Variants in ADAMTS6 observed in about 807,000 individuals in gnomAD.
ADAMTS6 encodes ADAM metallopeptidase with thrombospondin type 1 motif 6.
Under a neutral mutation model 144.3 loss-of-function variants are expected in ADAMTS6, and 23 were observed. The ratio of observed to expected loss-of-function variants is 0.16; its 90% CI spans 0.11 to 0.23. The LOEUF is 0.23. ADAMTS6 is among the 10% of genes least tolerant of loss of function. The pLI is 1.00. For synonymous variants in ADAMTS6, 444 were observed against 457.5 expected (o/e 0.97, Z 0.38); for missense variants, 999 against 1,379.6 (o/e 0.72, Z 4.37).
chr5:65,413,954 A>G (rs1236367961), intron 7 of ADAMTS6, among the ~76,000 whole-genome samples: 4 of 152,176 alleles, frequency 2.6e-5, no homozygotes, highest in South Asian at 2.1e-4. Context: ...TGGCATATTG[A>G]ATATGTTAAA....
At chr5:65,439,977 C>A (rs995339607) in intron 7 of ADAMTS6, among the ~76,000 whole-genome samples, 3 of 151,862 alleles carry the variant, frequency 2.0e-5, no homozygotes, top group African/African-American at 7.2e-5. Context: ...GCTAAGTTTT[C>A]TATTTTTAGT....
At chr5:65,347,072 A>T (rs113364469) in intron 7 of ADAMTS6, among the ~76,000 whole-genome samples, 6 of 152,088 alleles carry the variant, frequency 3.9e-5, no homozygotes, top group African/African-American at 1.4e-4. Flanking sequence ...AAGATAGCCC[A>T]TGTTCATGGA....
chr5:65,226,251 G>C, intron 15 of ADAMTS6, 32 bp from the exon 16 acceptor site: 1 of 1,604,062 alleles, frequency 6.2e-7, no homozygotes, highest in Non-Finnish European at 8.5e-7. Flanking sequence ...GAAATAAGTG[G>C]AGTGGTTGTC....
intron 6 of ADAMTS6, 129 bp from the exon 7 acceptor site, chr5:65,451,749 T>C: frequency 9.2e-7 from 1 of 1,088,360 alleles, no homozygotes; most frequent in South Asian, 1.5e-5. Context: ...TGCCAATTTT[T>C]ATCTCTGTAA....
intron 14 of ADAMTS6, among the ~76,000 whole-genome samples, chr5:65,246,986 A>T (rs1018852938): frequency 6.6e-6 from 1 of 152,192 alleles, no homozygotes; most frequent in African/African-American, 2.4e-5. Context: ...AATGCTTTTT[A>T]AATTACTTAA....
intron 7 of ADAMTS6, among the ~76,000 whole-genome samples, chr5:65,342,392 G>A (rs534596284): frequency 2.0e-5 from 3 of 152,162 alleles, no homozygotes; most frequent in African/African-American, 2.4e-5. Context: ...TAGATCTCAT[G>A]AGACTTATTC....
intron 18 of ADAMTS6, among the ~76,000 whole-genome samples, chr5:65,223,720 G>A (rs535959455): frequency 2.6e-5 from 4 of 151,616 alleles, no homozygotes; most frequent in Non-Finnish European, 5.9e-5. Context: ...GTTGACAGAC[G>A]TTTATGTTGT....
At position 65,263,251 on chromosome 5, in the gene ADAMTS6, T is replaced by G. The variant is rs920265958; in HGVS notation, c.1621-289A>C. Among the ~76,000 whole-genome samples, 4 of 152,308 alleles carry G rather than the reference T, an allele frequency of 2.6e-5. No homozygotes were observed. The South Asian group carries it at 6.2e-4, about 24-fold the overall frequency. ...TCTATTCCTCTTGACTTTTAGTGTTTCTCATTATAGAGCTAGCTATAGACC... is the reference window on the plus strand; with the variant it reads ...TCTATTCCTCTTGACTTTTAGTGTTGCTCATTATAGAGCTAGCTATAGACC... On this transcript the variant is annotated intron_variant, in intron 12 of 24. Coordinates refer to ENST00000381055, the MANE Select transcript of ADAMTS6 (RefSeq NM_197941.4).
chr5:65,279,739 ATTCT>A (rs1762845183), intron 11 of ADAMTS6, among the ~76,000 whole-genome samples: 1 of 152,098 alleles, frequency 6.6e-6, no homozygotes, highest in Non-Finnish European at 1.5e-5. Flanking sequence ...TATCTTTCCT[ATTCT>A]TTCTTCTAAA....
At chr5:65,374,090 G>C (rs1341149083) in intron 7 of ADAMTS6, among the ~76,000 whole-genome samples, 3 of 152,066 alleles carry the variant, frequency 2.0e-5, no homozygotes, top group African/African-American at 7.2e-5. Context: ...AATAAATTAG[G>C]TATTGATGGG....
chr5:65,418,786 CAT>C (rs1405914059), intron 7 of ADAMTS6, among the ~76,000 whole-genome samples: 3 of 152,020 alleles, frequency 2.0e-5, no homozygotes, highest in Non-Finnish European at 4.4e-5. Flanking sequence ...GGCCAACAAA[CAT>C]ATGAAAAAAT....
chr5:65,472,311 AG>A (rs1760509764), intron 2 of ADAMTS6, among the ~76,000 whole-genome samples: 1 of 152,194 alleles, frequency 6.6e-6, no homozygotes, highest in Admixed American at 6.5e-5. Flanking sequence ...GTGACCACTA[AG>A]AAGTATAGGC....
chr5:65,279,410 G>A (rs555015087), intron 11 of ADAMTS6, among the ~76,000 whole-genome samples: 5 of 152,116 alleles, frequency 3.3e-5, no homozygotes, highest in East Asian at 1.9e-4. Context: ...TCCGCCTCCC[G>A]GGTTCAAGCA....
At chr5:65,462,644 T>A (rs1329558736) in intron 3 of ADAMTS6, among the ~76,000 whole-genome samples, 1 of 152,174 alleles carries the variant, frequency 6.6e-6, no homozygotes, top group Non-Finnish European at 1.5e-5. Context: ...CTAAGGGCTG[T>A]TTCTGTATTT....
chr5:65,185,045 A>C (rs1276327000), intron 22 of ADAMTS6, among the ~76,000 whole-genome samples: 1 of 152,156 alleles, frequency 6.6e-6, no homozygotes, highest in Non-Finnish European at 1.5e-5. Context: ...GTGTGTCAAA[A>C]AAATTGTGTG....
intron 22 of ADAMTS6, among the ~76,000 whole-genome samples, chr5:65,182,443 CAAAAAAAAAAA>C (rs1216237939): frequency 1.8e-5 from 1 of 56,478 alleles, no homozygotes; most frequent in Non-Finnish European, 4.0e-5. Flanking sequence ...GACTCCATCT[CAAAAAAAAAAA>C]AAAAAAAAAA....
chr5:65,245,586 G>C (rs1387995557), intron 14 of ADAMTS6, among the ~76,000 whole-genome samples: 1 of 152,018 alleles, frequency 6.6e-6, no homozygotes, highest in East Asian at 1.9e-4. Context: ...TTATATTATA[G>C]CTAAATTTTA....
intron 7 of ADAMTS6, among the ~76,000 whole-genome samples, chr5:65,373,439 C>A (rs1221050131): frequency 1.3e-5 from 2 of 150,286 alleles, no homozygotes; most frequent in Non-Finnish European, 3.0e-5. Flanking sequence ...ACCACCGATC[C>A]CACAGAAATA....
intron 7 of ADAMTS6, among the ~76,000 whole-genome samples, chr5:65,434,466 T>C (rs2150221637): frequency 6.6e-6 from 1 of 152,288 alleles, no homozygotes; most frequent in Non-Finnish European, 1.5e-5. Context: ...GTATGGTGTA[T>C]AAAGCTGTTA....
Sources: gnomAD v4.1 joint callset for allele counts (sites outside exome capture counted in the v4.1 genomes callset) on GRCh38, gnomAD v4.1.1 for gene constraint, MANE v1.5 for transcripts, NCBI Gene and HGNC (gene_info 2026-07-23, HGNC 2026-07-21) for gene names.